Variants in MTSS1 observed in about 807,000 individuals in gnomAD.
MTSS1 encodes the protein MTSS I-BAR domain containing 1.
In MTSS1, 18 loss-of-function variants were observed where a neutral mutation model predicts 79.0. The ratio of observed to expected loss-of-function variants is 0.23; its 90% CI spans 0.16 to 0.34. MTSS1 has a LOEUF of 0.34. Ranked by LOEUF, MTSS1 falls within the 10% of genes least tolerant of loss-of-function variation. The pLI, the probability that MTSS1 is intolerant of heterozygous loss-of-function variation, is 1.00. For missense variants in MTSS1, 815 were observed against 986.2 expected (o/e 0.83, Z 2.33); for synonymous variants, 341 against 368.6 (o/e 0.93, Z 0.86).
chr8:124,628,159 C>A (rs1164239602), intron 3 of MTSS1, among the ~76,000 whole-genome samples: 1 of 152,004 alleles, frequency 6.6e-6, no homozygotes, highest in African/African-American at 2.4e-5. Flanking sequence ...AGAGGGAGAC[C>A]CTGTCTCAAA....
chr8:124,684,360 A>C (rs894729698), intron 3 of MTSS1, among the ~76,000 whole-genome samples: 5 of 152,228 alleles, frequency 3.3e-5, no homozygotes, highest in African/African-American at 1.2e-4. Context: ...TGCCTAAGTA[A>C]ATTCTAACCA....
At chr8:124,633,269 G>C (rs1469456014) in intron 3 of MTSS1, among the ~76,000 whole-genome samples, 1 of 152,168 alleles carries the variant, frequency 6.6e-6, no homozygotes, top group Admixed American at 6.5e-5. Flanking sequence ...ATAATTTTAT[G>C]TTTGGTCAAA....
intron 10 of MTSS1, among the ~76,000 whole-genome samples, chr8:124,559,147 T>C (rs577440060): frequency 6.6e-6 from 1 of 152,314 alleles, no homozygotes; most frequent in Admixed American, 6.5e-5. Flanking sequence ...CCCAGAAGCA[T>C]GCCTGGCACC....
chr8:124,639,991 C>T (rs146606451), intron 3 of MTSS1, among the ~76,000 whole-genome samples: 14 of 152,278 alleles, frequency 9.2e-5, no homozygotes, highest in East Asian at 5.8e-4. Flanking sequence ...TGACATTTAA[C>T]GAGCACCTAC....
intron 3 of MTSS1, among the ~76,000 whole-genome samples, chr8:124,637,565 G>C (rs896712077): frequency 3.9e-5 from 6 of 152,216 alleles, no homozygotes; most frequent in Non-Finnish European, 8.8e-5. Flanking sequence ...GAAAGCAGGA[G>C]GGAGGGGGTT....
At chr8:124,690,013 C>A (rs1466914946) in intron 3 of MTSS1, among the ~76,000 whole-genome samples, 1 of 152,074 alleles carries the variant, frequency 6.6e-6, no homozygotes, top group African/African-American at 2.4e-5. Flanking sequence ...GCTCTGTTAG[C>A]TAGAAGTGGG....
chr8:124,606,837 G>A (rs971282522), intron 3 of MTSS1, among the ~76,000 whole-genome samples: 1 of 152,140 alleles, frequency 6.6e-6, no homozygotes, highest in South Asian at 2.1e-4. Context: ...GCTTCAGCAG[G>A]AATCACCTCC....
intron 3 of MTSS1, among the ~76,000 whole-genome samples, chr8:124,605,963 ATT>A (rs35985246): frequency 0.078 from 8,229 of 105,936 alleles, 173 homozygotes; most frequent in African/African-American, 0.15. Flanking sequence ...TAGGTATCTC[ATT>A]TTTTTTTTTT....
rs1826259232 is a variant in MTSS1, at chr8:124,565,713, G to A, written c.773C>T (p.Thr258Met). The A allele has an allele frequency of 5.0e-6, 8 of 1,613,932 alleles. No homozygotes were observed. The highest frequency in any genetic ancestry group is 1.7e-5 in the Admixed American group (1 of 59,994). Reference sequence around the variant, plus strand: ...GGTGGTGCTGGGGGAAGAGGGTGGCGTCTGATACGACCAGCTGTAATCAGA... The same window carrying A: ...GGTGGTGCTGGGGGAAGAGGGTGGCATCTGATACGACCAGCTGTAATCAGA... ...KGSDYSWSYQTPPSSPSTTMS... is the reference protein window; with the variant it reads ...KGSDYSWSYQMPPSSPSTTMS... Residue 258 changes from threonine (T) to methionine (M), a missense_variant, in exon 9 of 14, where the codon ACG (threonine) becomes ATG (methionine). By Grantham distance (81) the Thr-to-Met change is moderately conservative (BLOSUM62 -1). Around this residue, in one of 2 missense-constraint regions of MTSS1, gnomAD observed 225 missense variants for 365.4 expected, o/e 0.62. Coordinates refer to ENST00000518547, the MANE Select transcript of MTSS1 (RefSeq NM_014751.6).
At chr8:124,698,560 G>A (rs144973451) in intron 3 of MTSS1, among the ~76,000 whole-genome samples, 491 of 144,254 alleles carry the variant, frequency 3.4e-3, no homozygotes, top group Non-Finnish European at 6.0e-3. Flanking sequence ...TGCCCAGGCT[G>A]GAGTGCAGTG....
intron 3 of MTSS1, among the ~76,000 whole-genome samples, chr8:124,614,182 A>AGGGTAGGAATATAGC: frequency 6.9e-6 from 1 of 144,276 alleles, no homozygotes; most frequent in African/African-American, 2.6e-5. Context: ...AAAAAAAAAA[A>AGGGTAGGAATATAGC]AAGGGTAGGA....
intron 3 of MTSS1, among the ~76,000 whole-genome samples, chr8:124,600,961 G>A (rs966088729): frequency 6.6e-6 from 1 of 152,022 alleles, no homozygotes; most frequent in African/African-American, 2.4e-5. Flanking sequence ...ACTCCAGTGA[G>A]CCTCCATCCT....
At chr8:124,660,444 A>G (rs927420420) in intron 3 of MTSS1, among the ~76,000 whole-genome samples, 1 of 150,902 alleles carries the variant, frequency 6.6e-6, no homozygotes, top group South Asian at 2.1e-4. Flanking sequence ...ACACACACAC[A>G]CACACACACA....
chr8:124,555,962 T>G, intron 12 of MTSS1, 58 bp from the exon 13 acceptor site: 1 of 1,588,116 alleles, frequency 6.3e-7, no homozygotes, highest in Non-Finnish European at 8.5e-7. Flanking sequence ...TCAACAGCAC[T>G]CCTGTTCTGC....
intron 3 of MTSS1, among the ~76,000 whole-genome samples, chr8:124,688,165 C>T (rs913617031): frequency 6.6e-5 from 10 of 151,790 alleles, no homozygotes; most frequent in Admixed American, 3.3e-4. Flanking sequence ...TGTGTATGTG[C>T]GTACGTGTGC....
chr8:124,602,913 G>A (rs1266054011), intron 3 of MTSS1, among the ~76,000 whole-genome samples: 1 of 152,228 alleles, frequency 6.6e-6, no homozygotes, highest in African/African-American at 2.4e-5. Context: ...CCCATAGAGT[G>A]GGCATCTCCT....
chr8:124,633,629 G>T (rs924666115), intron 3 of MTSS1, among the ~76,000 whole-genome samples: 12 of 152,074 alleles, frequency 7.9e-5, no homozygotes, highest in Non-Finnish European at 1.2e-4. Context: ...AATTATCTGG[G>T]TGTGGTGGCA....
At chr8:124,589,524 C>A (rs1030558299) in intron 5 of MTSS1, 96 bp downstream of exon 5, 15 of 917,734 alleles carry the variant, frequency 1.6e-5, no homozygotes, top group African/African-American at 1.5e-4. Flanking sequence ...GTTTTGGTGA[C>A]ACCAATAAAC....
chr8:124,563,026 C>T (rs760904108), intron 9 of MTSS1, 34 bp from the exon 10 acceptor site: 30 of 1,558,536 alleles, frequency 1.9e-5, no homozygotes, highest in Admixed American at 1.3e-4. Context: ...GGGGTGGGCA[C>T]GGAAGGTAAA....
Sources: allele counts gnomAD v4.1 joint callset (sites outside exome capture counted in the v4.1 genomes callset), GRCh38; gene constraint gnomAD v4.1.1; regional missense constraint gnomAD v4.1.1; transcripts MANE v1.5; gene names NCBI Gene and HGNC (gene_info 2026-07-23, HGNC 2026-07-21).